Variants in OPCML observed in about 807,000 individuals in gnomAD.
OPCML encodes the protein opioid binding protein/cell adhesion molecule like.
In OPCML, 13 loss-of-function variants were observed where a neutral mutation model predicts 37.8. The ratio of observed to expected loss-of-function variants is 0.34; its 90% CI spans 0.22 to 0.55. The LOEUF (loss-of-function observed/expected upper bound fraction) is 0.55, where lower values mean the gene tolerates loss of function less well. OPCML is among the 20% of genes least tolerant of loss of function. The pLI is 0.91. For synonymous variants in OPCML, 176 were observed against 168.8 expected (o/e 1.04, Z -0.33); for missense variants, 341 against 435.6 (o/e 0.78, Z 1.93).
At chr11:133,230,363 C>T (rs551329643) in intron 1 of OPCML, among the ~76,000 whole-genome samples, 2 of 151,848 alleles carry the variant, frequency 1.3e-5, no homozygotes, top group South Asian at 4.2e-4. Flanking sequence ...AGGCATTCAC[C>T]CTCCCACTCC....
chr11:132,510,685 T>C (rs2096266964), intron 4 of OPCML, among the ~76,000 whole-genome samples: 1 of 152,212 alleles, frequency 6.6e-6, no homozygotes, highest in Non-Finnish European at 1.5e-5. Flanking sequence ...CTTGCCATGA[T>C]TCTGAGGCTT....
intron 1 of OPCML, among the ~76,000 whole-genome samples, chr11:133,273,902 G>A (rs1941920193): frequency 6.6e-6 from 1 of 152,234 alleles, no homozygotes; most frequent in Admixed American, 6.5e-5. Flanking sequence ...GTGTGCATAA[G>A]TTTAATTATT....
At chr11:133,275,333 T>A (rs1941963097) in intron 1 of OPCML, among the ~76,000 whole-genome samples, 1 of 152,204 alleles carries the variant, frequency 6.6e-6, no homozygotes, top group Admixed American at 6.5e-5. Flanking sequence ...AATTTTTTTT[T>A]ATTTTGCCAA....
At chr11:133,087,964 C>A (rs1948841216) in intron 1 of OPCML, among the ~76,000 whole-genome samples, 1 of 152,154 alleles carries the variant, frequency 6.6e-6, no homozygotes, top group Non-Finnish European at 1.5e-5. Flanking sequence ...TTTGTGACAG[C>A]TTGCCAAAGT....
At chr11:133,041,505 G>A (rs889087143) in intron 1 of OPCML, among the ~76,000 whole-genome samples, 7 of 152,182 alleles carry the variant, frequency 4.6e-5, no homozygotes, top group Non-Finnish European at 1.0e-4. Context: ...TCTAGAAGTA[G>A]ATGAGGAATA....
At chr11:132,891,986 G>A (rs905126138) in intron 2 of OPCML, among the ~76,000 whole-genome samples, 1 of 151,864 alleles carries the variant, frequency 6.6e-6, no homozygotes, top group Non-Finnish European at 1.5e-5. Context: ...TCTCCTCAAG[G>A]ACCCACTGCA....
chr11:132,423,213 T>G (rs528836750), intron 7 of OPCML, among the ~76,000 whole-genome samples: 1 of 152,218 alleles, frequency 6.6e-6, no homozygotes, highest in African/African-American at 2.4e-5. Flanking sequence ...TGCAGCCCCA[T>G]TTTCTATGTG....
At chr11:132,898,896 G>A (rs11223270) in intron 2 of OPCML, among the ~76,000 whole-genome samples, 30,663 of 148,768 alleles carry the variant, frequency 0.21, 4,053 homozygotes, top group Non-Finnish European at 0.3. Flanking sequence ...AACTGGCTAT[G>A]TTATGGTGCT....
rs1201795544 is a variant in OPCML, at chr11:132,635,599, A to T, written c.379+21488T>A. On this transcript the variant is annotated intron_variant, in intron 3 of 7. Transcript: ENST00000524381. ...CTACCAGAGAAATTTGACCAAAAAA[A>T]AATTTGTTGACCAAACTCTAGCTGA... Among the ~76,000 whole-genome samples the T allele has an allele frequency of 2.0e-5, 3 of 151,756 alleles. No homozygotes were observed. The East Asian group carries it at 5.8e-4, about 29-fold the overall frequency.
intron 1 of OPCML, among the ~76,000 whole-genome samples, chr11:132,988,938 G>A (rs1446846199): frequency 1.3e-5 from 2 of 152,154 alleles, no homozygotes; most frequent in African/African-American, 4.8e-5. Context: ...CAGGGAGGAG[G>A]AAACACATAG....
In OPCML at chr11:132,822,733, C is replaced by T. The variant is rs567355450; in HGVS notation, c.146+120193G>A. 7.6e-4 allele frequency among the ~76,000 whole-genome samples: 116 copies of T among 152,328 alleles called. 1 individual carries two copies. Among genetic ancestry groups the T allele is most frequent in the African/African-American group, 2.6e-3 (110 of 41,570 alleles). On this transcript the variant is annotated intron_variant, in intron 2 of 7. Transcript: ENST00000524381. ...TGAGATTTTTAATTATATAAAAGTA[C>T]TGCATGCATATGTTCACACCCACAG...
intron 1 of OPCML, among the ~76,000 whole-genome samples, chr11:133,485,991 G>A (rs1261564483): frequency 6.6e-6 from 1 of 152,164 alleles, no homozygotes; most frequent in Non-Finnish European, 1.5e-5. Flanking sequence ...ATAAGTGCAA[G>A]AAGGCTATAA....
chr11:133,192,080 C>A (rs1938347223), intron 1 of OPCML, among the ~76,000 whole-genome samples: 2 of 152,158 alleles, frequency 1.3e-5, no homozygotes, highest in African/African-American at 4.8e-5. Context: ...AGGGTAAATG[C>A]TCAATAAATG....
intron 2 of OPCML, among the ~76,000 whole-genome samples, chr11:132,890,595 C>T (rs1289173844): frequency 6.6e-6 from 1 of 150,604 alleles, no homozygotes; most frequent in African/African-American, 2.5e-5. Context: ...GCCTGTAATC[C>T]CAGCACTTTG....
At chr11:133,320,897 C>T (rs1294256193) in intron 1 of OPCML, among the ~76,000 whole-genome samples, 2 of 152,154 alleles carry the variant, frequency 1.3e-5, no homozygotes, top group East Asian at 3.9e-4. Flanking sequence ...ATAACGGCAG[C>T]ACCCAGCTGG....
chr11:132,917,341 T>C (rs1256604761), intron 2 of OPCML, among the ~76,000 whole-genome samples: 2 of 152,238 alleles, frequency 1.3e-5, no homozygotes, highest in Non-Finnish European at 2.9e-5. Context: ...TTGTTCTCTA[T>C]GTTAATTAAT....
chr11:132,830,142 G>A (rs1311473525), intron 2 of OPCML, among the ~76,000 whole-genome samples: 2 of 152,140 alleles, frequency 1.3e-5, no homozygotes, highest in Non-Finnish European at 1.5e-5. Flanking sequence ...ATTTGTACCA[G>A]TTCATGTACT....
Position 132,578,980 on chromosome 11 carries a change from G to GA in OPCML, c.380-49795dup, listed in dbSNP as rs1192739497. On this transcript the variant is annotated intron_variant, in intron 3 of 7. Coordinates refer to ENST00000524381, the MANE Select transcript of OPCML (RefSeq NM_001012393.5). The stretch of plus-strand genomic sequence containing the variant: ...TGCCCCTTTCCCGCTATATTGGAAA[G>GA]AAAAAAAAAAGCAAAATTTTAAGAA... Among the ~76,000 whole-genome samples the GA allele has an allele frequency of 1.7e-3, 243 of 142,106 alleles. 1 individual carries two copies. Among genetic ancestry groups the GA allele is most frequent in the African/African-American group, 4.5e-3 (175 of 38,854 alleles). The allele number at this position is 142,106 out of a possible 152,430, so 93.2% of individuals were successfully genotyped here.
intron 3 of OPCML, among the ~76,000 whole-genome samples, chr11:132,655,883 TCAGAGATGAG>T (rs1941681643): frequency 7.1e-6 from 1 of 140,600 alleles, no homozygotes. Context: ...TTTTTTTAAA[TCAGAGATGAG>T]GAATCTATCT....
Sources: gnomAD v4.1 joint callset for allele counts (sites outside exome capture counted in the v4.1 genomes callset) on GRCh38, gnomAD v4.1.1 for gene constraint, MANE v1.5 for transcripts, NCBI Gene and HGNC (gene_info 2026-07-23, HGNC 2026-07-21) for gene names.